SEC22A: variants seen among roughly 807,000 people sequenced by gnomAD.
The protein encoded by SEC22A is SEC22 homolog A, vesicle trafficking protein.
A neutral mutation model predicts 35.3 loss-of-function variants in SEC22A; 22 were observed. The observed-to-expected ratio is 0.62, with a 90% CI of 0.45 to 0.89. SEC22A has a LOEUF of 0.89. Ranked by LOEUF, SEC22A falls within the 40% of genes least tolerant of loss-of-function variation. The probability of loss-of-function intolerance (pLI) is 0.00; values close to 1 mark genes in which losing one functional copy is unlikely to be tolerated. For missense variants in SEC22A, 354 were observed against 362.5 expected, an observed-to-expected ratio of 0.98 and a Z score of 0.19; for synonymous variants, 119 against 129.5, an observed-to-expected ratio of 0.92 and a Z score of 0.55.
chr3:123,272,046 AT>A lies in SEC22A; in HGVS notation c.*326del. On this transcript the variant is annotated 3_prime_UTR_variant, in exon 7 of 7. Coordinates refer to ENST00000492595, the MANE Select transcript of SEC22A (RefSeq NM_012430.5). Reference sequence around the variant, plus strand: ...GAAGAGTTCAGAAAATAGATGTGGTATTGCTCTGAGGACCAGGCAGGAGGAA... The same window carrying A: ...GAAGAGTTCAGAAAATAGATGTGGTATGCTCTGAGGACCAGGCAGGAGGAA... 3.3e-6 allele frequency: 1 copy of A among 300,264 alleles called. No individual in the cohort carries two copies. Among genetic ancestry groups the A allele is most frequent in the Non-Finnish European group, 6.2e-6 (1 of 160,494 alleles). The allele number at this position is 300,264 out of a possible 1,614,324, so 18.6% of individuals were successfully genotyped here. A position where few individuals can be genotyped will look rare whatever the true frequency, so the allele number is the denominator to read the frequency against.
chr3:123,207,741 T>G (rs1315837890), intron 1 of SEC22A, among the ~76,000 whole-genome samples: 6 of 152,214 alleles, frequency 3.9e-5, no homozygotes, highest in Non-Finnish European at 8.8e-5. Context: ...ACTGTGTATT[T>G]TATGAAAGGT....
chr3:123,238,619 A>C (rs189178382), intron 4 of SEC22A, among the ~76,000 whole-genome samples: 4 of 152,368 alleles, frequency 2.6e-5, no homozygotes, highest in Admixed American at 2.0e-4. Flanking sequence ...AAAACTATTC[A>C]GTTTATTTTA....
chr3:123,260,400 A>T (rs1937864172), intron 6 of SEC22A, among the ~76,000 whole-genome samples: 1 of 152,192 alleles, frequency 6.6e-6, no homozygotes, highest in South Asian at 2.1e-4. Context: ...GAAAGCCAAC[A>T]TATGGTAATG....
chr3:123,259,654 C>T, intron 6 of SEC22A, 65 bp downstream of exon 6: 3 of 1,058,518 alleles, frequency 2.8e-6, no homozygotes, highest in Non-Finnish European at 4.3e-6. Flanking sequence ...TCAGTTCTAA[C>T]AATTGTGCAT....
At position 123,259,579 on chromosome 3, in the gene SEC22A, G is replaced by T. The variant is rs1431167913; in HGVS notation, c.713G>T (p.Cys238Phe). 6.2e-7 allele frequency: 1 copy of T among 1,610,998 alleles called. No homozygotes were observed. Among genetic ancestry groups the T allele is most frequent in the East Asian group, 2.2e-5 (1 of 44,842 alleles). ...IIAFFLGTAA[C>F]LYQCYLLVYY... ...GCATTTTTCCTTGGAACAGCAGCCT[G>T]CCTTTACCAGGTAGGTTTTCTTCCA... is the stretch of plus-strand genomic sequence containing the variant. The change falls in exon 6 of 7, where the codon TGC becomes TTC. Residue 238 changes from cysteine to phenylalanine, a missense_variant. Cys to Phe is a radical substitution (Grantham distance 205). Transcript: ENST00000492595.
intron 5 of SEC22A, among the ~76,000 whole-genome samples, chr3:123,258,554 G>C (rs576203292): frequency 6.6e-6 from 1 of 152,284 alleles, no homozygotes; most frequent in South Asian, 2.1e-4. Context: ...CAGATGAGTG[G>C]TTCCTATTTT....
intron 6 of SEC22A, among the ~76,000 whole-genome samples, chr3:123,266,781 G>A (rs996062279): frequency 3.3e-5 from 5 of 152,084 alleles, no homozygotes; most frequent in Admixed American, 3.3e-4. Flanking sequence ...TTCTGTAAAT[G>A]TTTAGATCAT....
chr3:123,262,870 A>G (rs1484857310), intron 6 of SEC22A, among the ~76,000 whole-genome samples: 1 of 152,144 alleles, frequency 6.6e-6, no homozygotes, highest in Non-Finnish European at 1.5e-5. Context: ...TTATTTTGGG[A>G]TAATTGTAGA....
At chr3:123,221,502 G>A (rs1171495700) in intron 2 of SEC22A, among the ~76,000 whole-genome samples, 2 of 146,048 alleles carry the variant, frequency 1.4e-5, no homozygotes, top group African/African-American at 5.1e-5. Context: ...AAAGATTACT[G>A]TGTAGTTTAG....
chr3:123,224,411 A>G (rs1435077152), intron 3 of SEC22A, among the ~76,000 whole-genome samples: 2 of 152,240 alleles, frequency 1.3e-5, no homozygotes, highest in East Asian at 3.8e-4. Flanking sequence ...ATTTATAAAA[A>G]CATGCAACTT....
intron 4 of SEC22A, among the ~76,000 whole-genome samples, chr3:123,235,246 A>G (rs28770309): frequency 0.2 from 29,863 of 152,032 alleles, 3,028 homozygotes; most frequent in Middle Eastern, 0.28. Context: ...TGAAAAGGCA[A>G]CCGACACAAT....
chr3:123,260,824 CTTGA>C (rs1296154796), intron 6 of SEC22A, among the ~76,000 whole-genome samples: 1 of 147,298 alleles, frequency 6.8e-6, no homozygotes, highest in Non-Finnish European at 1.5e-5. Context: ...TTTAAAATCA[CTTGA>C]TTTTCTTTTT....
chr3:123,265,462 A>C (rs1278064867), intron 6 of SEC22A, among the ~76,000 whole-genome samples: 1 of 150,186 alleles, frequency 6.7e-6, no homozygotes, highest in Non-Finnish European at 1.5e-5. Context: ...GTTTTTTCCC[A>C]GTCAGTTTTT....
intron 6 of SEC22A, among the ~76,000 whole-genome samples, chr3:123,267,204 ATC>A (rs1219275965): frequency 6.6e-6 from 1 of 151,576 alleles, no homozygotes; most frequent in Non-Finnish European, 1.5e-5. Context: ...TATCCTGCCA[ATC>A]TCTGTCTTTT....
chr3:123,241,248 C>T (rs897001760), intron 4 of SEC22A, among the ~76,000 whole-genome samples: 1 of 152,078 alleles, frequency 6.6e-6, no homozygotes. Context: ...GGTCTTGGAG[C>T]CTTGAAGGAT....
intron 4 of SEC22A, among the ~76,000 whole-genome samples, chr3:123,245,215 G>T (rs1937556757): frequency 6.6e-6 from 1 of 152,174 alleles, no homozygotes; most frequent in Admixed American, 6.5e-5. Context: ...TGTTTCCTAA[G>T]CATTTTCAGA....
chr3:123,243,346 ACTTGGT>A (rs1487017042), intron 4 of SEC22A, among the ~76,000 whole-genome samples: 4 of 152,244 alleles, frequency 2.6e-5, no homozygotes, highest in African/African-American at 9.6e-5. Context: ...TATATAAAGC[ACTTGGT>A]GCCTGGCGTG....
chr3:123,225,383 A>C, intron 4 of SEC22A, 86 bp downstream of exon 4: 1 of 778,720 alleles, frequency 1.3e-6, no homozygotes, highest in Non-Finnish European at 2.0e-6. Context: ...CTTTATTCTA[A>C]TATTTTAAAT....
At chr3:123,267,632 T>C (rs930344297) in intron 6 of SEC22A, among the ~76,000 whole-genome samples, 3 of 152,156 alleles carry the variant, frequency 2.0e-5, no homozygotes, top group Admixed American at 6.5e-5. Context: ...GCCTATTGTA[T>C]TTACCCATAT....
Sources: allele counts gnomAD v4.1 joint callset (sites outside exome capture counted in the v4.1 genomes callset), GRCh38; gene constraint gnomAD v4.1.1; transcripts MANE v1.5; gene names NCBI Gene and HGNC (gene_info 2026-07-23, HGNC 2026-07-21).